Variants in EIF3H observed in about 807,000 individuals in gnomAD.
The protein encoded by EIF3H is eIF-3-gamma.
In EIF3H, 26 loss-of-function variants were observed where a neutral mutation model predicts 44.2. That is an observed-to-expected ratio of 0.59 (90% CI 0.43 to 0.82). The LOEUF (loss-of-function observed/expected upper bound fraction) is 0.82, where lower values mean the gene tolerates loss of function less well. Among genes scored for constraint, EIF3H ranks in the 40% least tolerant of loss-of-function variants. EIF3H has a pLI of 0.00. For missense variants in EIF3H, 359 were observed against 432.8 expected (o/e 0.83, Z 1.51); for synonymous variants, 166 against 151.9 (o/e 1.09, Z -0.68).
intron 1 of EIF3H, among the ~76,000 whole-genome samples, chr8:116,731,668 G>T (rs1332751096): frequency 6.6e-6 from 1 of 152,182 alleles, no homozygotes; most frequent in Non-Finnish European, 1.5e-5. Context: ...ATATAAACAA[G>T]AGGGAAGGTA....
intron 2 of EIF3H, among the ~76,000 whole-genome samples, chr8:116,667,351 T>C (rs917597447): frequency 7.9e-5 from 12 of 151,992 alleles, no homozygotes; most frequent in African/African-American, 1.9e-4. Context: ...ATTTCTGTTA[T>C]AGAAAAATCA....
chr8:116,661,170 T>A (rs545673867), intron 2 of EIF3H, among the ~76,000 whole-genome samples: 1 of 152,222 alleles, frequency 6.6e-6, no homozygotes, highest in Non-Finnish European at 1.5e-5. Context: ...ATTTGGCTAA[T>A]AAATTTTAAT....
At chr8:116,661,670 G>A (rs1415323834) in intron 2 of EIF3H, among the ~76,000 whole-genome samples, 1 of 152,144 alleles carries the variant, frequency 6.6e-6, no homozygotes. Flanking sequence ...ACATTCCTCT[G>A]AAAAATATTC....
At chr8:116,716,713 C>CG (rs1052859085) in intron 2 of EIF3H, among the ~76,000 whole-genome samples, 13 of 152,018 alleles carry the variant, frequency 8.6e-5, no homozygotes, top group African/African-American at 3.1e-4. Context: ...AACTGTGCCA[C>CG]TGTAGCGGGA....
At chr8:116,730,180 G>C (rs1220648254) in intron 1 of EIF3H, among the ~76,000 whole-genome samples, 1 of 152,166 alleles carries the variant, frequency 6.6e-6, no homozygotes, top group African/African-American at 2.4e-5. Flanking sequence ...TTCATTTGGA[G>C]CAGGGGTTCC....
intron 5 of EIF3H, among the ~76,000 whole-genome samples, chr8:116,651,219 G>A (rs996444659): frequency 9.9e-5 from 15 of 152,104 alleles, no homozygotes; most frequent in African/African-American, 3.4e-4. Flanking sequence ...AAATTGTGGT[G>A]ACTTGAACTA....
chr8:116,693,177 C>CTAAACATAACT (rs1814208631), intron 2 of EIF3H, among the ~76,000 whole-genome samples: 1 of 152,152 alleles, frequency 6.6e-6, no homozygotes, highest in Non-Finnish European at 1.5e-5. Context: ...GTACTAAATT[C>CTAAACATAACT]AGTTATGTTA....
chr8:116,722,073 C>A (rs953141001), intron 2 of EIF3H, among the ~76,000 whole-genome samples: 3 of 152,130 alleles, frequency 2.0e-5, no homozygotes, highest in African/African-American at 7.2e-5. Flanking sequence ...TGTGTTGCCA[C>A]CCAAATCTCA....
At chr8:116,652,223 A>G (rs924531273) in intron 5 of EIF3H, among the ~76,000 whole-genome samples, 1 of 152,234 alleles carries the variant, frequency 6.6e-6, no homozygotes, top group Non-Finnish European at 1.5e-5. Flanking sequence ...TACATGCTGA[A>G]GAGTCTAAAA....
intron 5 of EIF3H, among the ~76,000 whole-genome samples, chr8:116,654,398 G>A (rs1813453333): frequency 6.6e-6 from 1 of 152,150 alleles, no homozygotes; most frequent in Non-Finnish European, 1.5e-5. Context: ...TATTTCTTTT[G>A]TATGCTCAAT....
At chr8:116,760,325 T>C (rs1563665705), upstream of EIF3H, among the ~76,000 whole-genome samples, 2 of 152,232 alleles carry the variant, frequency 1.3e-5, no homozygotes, top group Non-Finnish European at 1.5e-5. Flanking sequence ...TGAGATCAAT[T>C]TAAGTCATAG....
At chr8:116,728,401 G>C (rs1284713314) in intron 1 of EIF3H, among the ~76,000 whole-genome samples, 1 of 152,122 alleles carries the variant, frequency 6.6e-6, no homozygotes, top group Admixed American at 6.6e-5. Context: ...TTTAAACCTA[G>C]TTTTAGGTTT....
intron 7 of EIF3H, 54 bp downstream of exon 7, chr8:116,646,417 C>T: frequency 1.9e-6 from 3 of 1,612,678 alleles, no homozygotes. Flanking sequence ...TCACTGTCTT[C>T]TGCTTCCTAA....
intron 1 of EIF3H, among the ~76,000 whole-genome samples, chr8:116,752,507 AC>A: frequency 6.6e-6 from 1 of 151,764 alleles, no homozygotes; most frequent in Non-Finnish European, 1.5e-5. Context: ...TCCCCATTTT[AC>A]AAAGGATACA....
intron 2 of EIF3H, among the ~76,000 whole-genome samples, chr8:116,660,152 A>G (rs1813562284): frequency 6.6e-6 from 1 of 152,162 alleles, no homozygotes; most frequent in Non-Finnish European, 1.5e-5. Flanking sequence ...CGGCCTCCCA[A>G]AGTGTTGGGA....
At chr8:116,716,006 G>A (rs1042605709) in intron 2 of EIF3H, among the ~76,000 whole-genome samples, 9 of 151,600 alleles carry the variant, frequency 5.9e-5, no homozygotes, top group Admixed American at 6.6e-5. Flanking sequence ...CCACTCAAAG[G>A]AGTTACCACA....
At chr8:116,736,104 G>A (rs897935521) in intron 1 of EIF3H, among the ~76,000 whole-genome samples, 11 of 152,142 alleles carry the variant, frequency 7.2e-5, no homozygotes, top group Non-Finnish European at 2.9e-5. Context: ...TCAAAAACAT[G>A]CAAAGTGAAA....
intron 2 of EIF3H, among the ~76,000 whole-genome samples, chr8:116,662,589 T>A (rs1813601728): frequency 6.6e-6 from 1 of 152,216 alleles, no homozygotes; most frequent in Non-Finnish European, 1.5e-5. Flanking sequence ...GTGTCCCCAT[T>A]CTTTGAATCC....
At chr8:116,697,957 G>A (rs1218011686) in intron 2 of EIF3H, among the ~76,000 whole-genome samples, 1 of 152,210 alleles carries the variant, frequency 6.6e-6, no homozygotes, top group Non-Finnish European at 1.5e-5. Context: ...TACACATTAA[G>A]TGCTTACTAA....
Sources: gnomAD v4.1 joint callset for allele counts (sites outside exome capture counted in the v4.1 genomes callset) on GRCh38, gnomAD v4.1.1 for gene constraint, MANE v1.5 for transcripts, NCBI Gene and HGNC (gene_info 2026-07-23, HGNC 2026-07-21) for gene names.